The following VPS13B variants were observed in gnomAD, a reference collection of about 807,000 sequenced individuals.
VPS13B encodes the protein intermembrane lipid transfer protein VPS13B.
VPS13B carries 285 observed loss-of-function variants against 426.4 expected under a neutral mutation model. The observed-to-expected ratio is 0.67, with a 90% CI of 0.61 to 0.74. VPS13B has a LOEUF of 0.74. VPS13B is among the 30% of genes least tolerant of loss of function. The probability of loss-of-function intolerance (pLI) is 0.00; values close to 1 mark genes in which losing one functional copy is unlikely to be tolerated. For synonymous variants in VPS13B, 1,676 were observed against 1,676.4 expected, an observed-to-expected ratio of 1.00 and a Z score of 0.01; for missense variants, 4,537 against 4,782.6, an observed-to-expected ratio of 0.95 and a Z score of 1.51.
At chr8:99,566,644 T>C (rs1419597472) in intron 31 of VPS13B, among the ~76,000 whole-genome samples, 1 of 152,194 alleles carries the variant, frequency 6.6e-6, no homozygotes, top group Non-Finnish European at 1.5e-5. Flanking sequence ...GGTTCCACCA[T>C]GTTGGCCAGG....
chr8:99,511,819 G>T (rs1014624175), intron 29 of VPS13B, among the ~76,000 whole-genome samples: 1 of 152,094 alleles, frequency 6.6e-6, no homozygotes, highest in African/African-American at 2.4e-5. Flanking sequence ...GTTGTGTTCT[G>T]TGTATCTAAG....
At chr8:99,637,542 A>T (rs966612657) in intron 33 of VPS13B, among the ~76,000 whole-genome samples, 1 of 152,092 alleles carries the variant, frequency 6.6e-6, no homozygotes, top group African/African-American at 2.4e-5. Flanking sequence ...TCTGTTCAGT[A>T]ACCTTTGTGA....
At chr8:99,235,700 A>T (rs138803543) in intron 17 of VPS13B, among the ~76,000 whole-genome samples, 1 of 152,210 alleles carries the variant, frequency 6.6e-6, no homozygotes. Context: ...GTGATGCGTT[A>T]CATTAAATCC....
At chr8:99,024,343 A>G (rs987153428) in intron 2 of VPS13B, among the ~76,000 whole-genome samples, 3 of 152,182 alleles carry the variant, frequency 2.0e-5, no homozygotes, top group Admixed American at 6.5e-5. Context: ...ATGGATATTA[A>G]CCTCTTATAA....
chr8:99,225,064 G>C (rs1815939135), intron 17 of VPS13B, among the ~76,000 whole-genome samples: 1 of 152,000 alleles, frequency 6.6e-6, no homozygotes, highest in Non-Finnish European at 1.5e-5. Context: ...TGATTTGTGG[G>C]CTCTTCTCCT....
At chr8:99,386,333 TG>T (rs1814122454) in intron 20 of VPS13B, among the ~76,000 whole-genome samples, 1 of 152,194 alleles carries the variant, frequency 6.6e-6, no homozygotes, top group Non-Finnish European at 1.5e-5. Flanking sequence ...CCCTTAATGA[TG>T]GGGATACATT....
intron 19 of VPS13B, among the ~76,000 whole-genome samples, chr8:99,358,001 A>ATC (rs1337872475): frequency 8.8e-5 from 8 of 90,658 alleles, no homozygotes; most frequent in South Asian, 5.0e-4. Flanking sequence ...AGGATTAAAT[A>ATC]TCACACACAC....
intron 2 of VPS13B, among the ~76,000 whole-genome samples, chr8:99,016,839 C>T (rs1222684289): frequency 1.3e-5 from 2 of 152,076 alleles, no homozygotes; most frequent in Non-Finnish European, 2.9e-5. Flanking sequence ...ATCCTCCTGT[C>T]TCGGCCTCCC....
chr8:99,255,924 G>A (rs1463470836), intron 17 of VPS13B, among the ~76,000 whole-genome samples: 2 of 152,140 alleles, frequency 1.3e-5, no homozygotes, highest in African/African-American at 4.8e-5. Flanking sequence ...TACCCAGGCA[G>A]GGATGTTGGG....
At chr8:99,134,549 T>C (rs931387553) in intron 8 of VPS13B, 83 bp from the exon 9 acceptor site, 3 of 1,184,604 alleles carry the variant, frequency 2.5e-6, no homozygotes, top group Admixed American at 2.2e-5. Context: ...ATTGGCCTTG[T>C]TTTAATCAAT....
At chr8:99,153,087 C>T (rs992983015) in intron 14 of VPS13B, among the ~76,000 whole-genome samples, 4 of 152,128 alleles carry the variant, frequency 2.6e-5, no homozygotes, top group South Asian at 2.1e-4. Flanking sequence ...AGCGGATCAC[C>T]TGAGCCCTGG....
At chr8:99,380,891 A>T (rs71516835) in intron 19 of VPS13B, among the ~76,000 whole-genome samples, 10,496 of 141,124 alleles carry the variant, frequency 0.074, 465 homozygotes, top group Non-Finnish European at 0.11. Flanking sequence ...TTTTTTTTTT[A>T]AAAAAAAAAG....
chr8:99,232,567 A>G (rs1816391736), intron 17 of VPS13B, among the ~76,000 whole-genome samples: 1 of 152,340 alleles, frequency 6.6e-6, no homozygotes, highest in Non-Finnish European at 1.5e-5. Flanking sequence ...GAGTTATTTG[A>G]TATGTTATTT....
chr8:99,695,171 C>A (rs1380768280), intron 35 of VPS13B, among the ~76,000 whole-genome samples: 8 of 151,358 alleles, frequency 5.3e-5, no homozygotes, highest in Non-Finnish European at 1.2e-4. Flanking sequence ...CTAGAAATAC[C>A]ATTTGACCCA....
chr8:99,847,169 A>G (rs1245187300), intron 54 of VPS13B, among the ~76,000 whole-genome samples: 1 of 152,230 alleles, frequency 6.6e-6, no homozygotes, highest in Non-Finnish European at 1.5e-5. Flanking sequence ...CTTGGAACAA[A>G]TAGGGCAAAT....
At chr8:99,715,220 A>G (rs1375866552) in intron 36 of VPS13B, among the ~76,000 whole-genome samples, 1 of 152,164 alleles carries the variant, frequency 6.6e-6, no homozygotes, top group Non-Finnish European at 1.5e-5. Flanking sequence ...CTGTCTACCA[A>G]TTAAGAAACA....
intron 3 of VPS13B, among the ~76,000 whole-genome samples, chr8:99,048,898 T>G (rs1322172651): frequency 1.3e-5 from 2 of 152,208 alleles, no homozygotes; most frequent in Non-Finnish European, 2.9e-5. Flanking sequence ...GGACATAGCC[T>G]TTTATCATTA....
At chr8:99,869,028 G>A (rs534122812) in intron 59 of VPS13B, among the ~76,000 whole-genome samples, 3 of 152,368 alleles carry the variant, frequency 2.0e-5, no homozygotes, top group South Asian at 2.1e-4. Context: ...TGGATGGGGC[G>A]TGCCGGGGCC....
chr8:99,079,831 A>T (rs1047771034), intron 3 of VPS13B, among the ~76,000 whole-genome samples: 1 of 151,852 alleles, frequency 6.6e-6, no homozygotes, highest in East Asian at 1.9e-4. Flanking sequence ...AGGCTGAGGC[A>T]GGAGAATCGC....
Sources: allele counts gnomAD v4.1 joint callset (sites outside exome capture counted in the v4.1 genomes callset), GRCh38; gene constraint gnomAD v4.1.1; transcripts MANE v1.5; gene names NCBI Gene and HGNC (gene_info 2026-07-23, HGNC 2026-07-21).